NEMF: variants seen among roughly 807,000 people sequenced by gnomAD.
NEMF encodes nuclear export mediator factor.
A neutral mutation model predicts 162.2 loss-of-function variants in NEMF; 89 were observed. The ratio of observed to expected loss-of-function variants is 0.55; its 90% CI spans 0.46 to 0.65. NEMF has a LOEUF of 0.65. Ranked by LOEUF, NEMF falls within the 30% of genes least tolerant of loss-of-function variation. The probability of loss-of-function intolerance (pLI) is 0.00; values close to 1 mark genes in which losing one functional copy is unlikely to be tolerated. For synonymous variants in NEMF, 421 were observed against 404.5 expected, an observed-to-expected ratio of 1.04 and a Z score of -0.49; for missense variants, 1,133 against 1,261.9, an observed-to-expected ratio of 0.90 and a Z score of 1.55.
At chr14:49,793,254 A>G (rs926588436) in intron 26 of NEMF, among the ~76,000 whole-genome samples, 1 of 152,250 alleles carries the variant, frequency 6.6e-6, no homozygotes, top group Non-Finnish European at 1.5e-5. Flanking sequence ...GAAAAGCCAT[A>G]ATTTGCAGAC....
At position 49,786,703 on chromosome 14, in the gene NEMF, A is replaced by G; in HGVS notation, c.2928+15T>C. 6.2e-7 allele frequency: 1 copy of G among 1,610,320 alleles called. No homozygotes were observed. The highest frequency in any genetic ancestry group is 8.5e-7 in the Non-Finnish European group (1 of 1,176,714). On this transcript the variant is annotated intron_variant, in intron 29 of 32. Coordinates refer to ENST00000298310, the MANE Select transcript of NEMF (RefSeq NM_004713.6). ...ATCACAGTGTTGTAGTAGGAACCCC[A>G]ACATAAAATCATACCTCATTTCCCT... is the stretch of plus-strand genomic sequence containing the variant.
At chr14:49,841,132 G>C (rs1242885499) in intron 4 of NEMF, among the ~76,000 whole-genome samples, 1 of 135,340 alleles carries the variant, frequency 7.4e-6, no homozygotes. Flanking sequence ...GGGGGGTGGA[G>C]ACTGCAGTGA....
chr14:49,816,827 G>C (rs557215780), intron 16 of NEMF, among the ~76,000 whole-genome samples: 103 of 152,184 alleles, frequency 6.8e-4, no homozygotes, highest in Non-Finnish European at 1.1e-3. Context: ...AAGACATAGG[G>C]ACAAAAAGAA....
intron 10 of NEMF, 101 bp from the exon 11 acceptor site, chr14:49,831,462 G>C (rs1892635059): frequency 1.3e-6 from 1 of 749,068 alleles, no homozygotes; most frequent in Non-Finnish European, 2.3e-6. Flanking sequence ...TTTTGAGACA[G>C]AGTCTCACTC....
In NEMF at chr14:49,832,292, C is replaced by T. The variant is rs1385280097; in HGVS notation, c.736-15G>A. The T allele has an allele frequency of 2.1e-6, 3 of 1,459,680 alleles. No homozygotes were observed. The highest frequency in any genetic ancestry group is 1.2e-5 in the South Asian group (1 of 82,832). 90.4% of individuals were successfully genotyped at this position (1,459,680 alleles called of 1,614,324 possible). Reference sequence around the variant, plus strand: ...ATGATATATCCCTACAAAAATGCAACATTAAAATCATTCCTATTCATAATT... The same window carrying T: ...ATGATATATCCCTACAAAAATGCAATATTAAAATCATTCCTATTCATAATT... On this transcript the variant is annotated splice_polypyrimidine_tract_variant and intron_variant, in intron 8 of 32. Transcript: ENST00000298310.
chr14:49,852,594 G>A lies in NEMF; in HGVS notation c.59+101C>T, dbSNP rs78026431. ...CCTAGGCAGGTCCATAGACGCACTA[G>A]GAAATAAGGAAACATATCAAGCTGG... On this transcript the variant is annotated intron_variant, in intron 1 of 32. Coordinates refer to ENST00000298310, the MANE Select transcript of NEMF (RefSeq NM_004713.6). 4.5e-3 allele frequency: 5,864 copies of A among 1,315,492 alleles called. 192 individuals carry two copies. The African/African-American group carries it at 0.075, about 17-fold the overall frequency. 81.5% of individuals were successfully genotyped at this position (1,315,492 alleles called of 1,614,324 possible).
intron 22 of NEMF, 144 bp downstream of exon 22, chr14:49,802,309 T>G (rs1362372529): frequency 2.3e-5 from 18 of 768,998 alleles, no homozygotes; most frequent in Middle Eastern, 3.6e-4. Context: ...AAAAAAAAAT[T>G]CAGTAAAACA....
At chr14:49,842,258 AG>A (rs1893252003) in intron 4 of NEMF, among the ~76,000 whole-genome samples, 1 of 152,206 alleles carries the variant, frequency 6.6e-6, no homozygotes, top group Non-Finnish European at 1.5e-5. Context: ...TTAGAAAAAA[AG>A]GAAAACATAA....
In NEMF at chr14:49,800,855, G is replaced by C. The variant is rs998867082; in HGVS notation, c.2096-159C>G. The C allele has an allele frequency of 7.8e-6, 5 of 639,008 alleles. No homozygotes were observed. The African/African-American group carries it at 9.2e-5, about 12-fold the overall frequency. 39.6% of individuals were successfully genotyped at this position (639,008 alleles called of 1,614,324 possible). A position where few individuals can be genotyped will look rare whatever the true frequency, so the allele number is the denominator to read the frequency against. On this transcript the variant is annotated intron_variant, in intron 22 of 32. Coordinates refer to ENST00000298310, the MANE Select transcript of NEMF (RefSeq NM_004713.6). ...TCCCAAAGGGTACTCTTAGACAAAA[G>C]AATAACCTGTATCATGAATAGGTTG...
chr14:49,828,881 A>C (rs920501502), intron 13 of NEMF, 74 bp from the exon 14 acceptor site: 35 of 1,338,978 alleles, frequency 2.6e-5, no homozygotes, highest in Non-Finnish European at 3.4e-5. Context: ...TTCTTCAATA[A>C]AATTATAAAT....
Position 49,782,875 on chromosome 14 carries a change from C to T in NEMF, c.*1761G>A. 1.2e-6 allele frequency: 2 copies of T among 1,613,720 alleles called. No homozygotes were observed. The highest frequency in any genetic ancestry group is 1.7e-6 in the Non-Finnish European group (2 of 1,179,692). On this transcript the variant is annotated 3_prime_UTR_variant, in exon 33 of 33. Coordinates refer to ENST00000298310, the MANE Select transcript of NEMF (RefSeq NM_004713.6). ...TTTGCTTTAAAGAAATGTTAGCCAA[C>T]TCATGGAACTGCCTTCCAAAACACT...
chr14:49,811,002 A>C (rs1198718958), intron 18 of NEMF, among the ~76,000 whole-genome samples: 1 of 152,184 alleles, frequency 6.6e-6, no homozygotes, highest in Non-Finnish European at 1.5e-5. Flanking sequence ...AAACAAAAAA[A>C]GCAGCTGCAA....
intron 25 of NEMF, among the ~76,000 whole-genome samples, chr14:49,796,704 G>C (rs145607754): frequency 4.6e-5 from 7 of 152,206 alleles, no homozygotes; most frequent in East Asian, 1.9e-4. Flanking sequence ...CATTCTCTTC[G>C]TATCACTTTA....
chr14:49,797,449 G>A (rs910210154), intron 25 of NEMF: 3 of 152,082 alleles, frequency 2.0e-5, no homozygotes. Context: ...GCCTAACACG[G>A]TGAAACCCCA....
intron 18 of NEMF, 113 bp from the exon 19 acceptor site, chr14:49,806,246 ATATATATATATTTTTTTT>A (rs1891194393): frequency 1.4e-4 from 2 of 14,782 alleles, no homozygotes; most frequent in Non-Finnish European, 2.9e-4. Context: ...ATATATATAT[ATATATATATATTTTTTTT>A]TTTTTTTTTT....
intron 18 of NEMF, among the ~76,000 whole-genome samples, chr14:49,809,663 C>G (rs1281805444): frequency 1.3e-5 from 2 of 152,032 alleles, no homozygotes; most frequent in Admixed American, 6.6e-5. Context: ...AGTTCGAGAC[C>G]AGCCTGGCCA....
intron 16 of NEMF, chr14:49,820,154 A>T (rs1277485730): frequency 8.5e-6 from 2 of 235,468 alleles, no homozygotes; most frequent in Non-Finnish European, 1.7e-5. Context: ...GGTTCACCTT[A>T]TTGGCCAGGC....
Position 49,846,237 on chromosome 14 carries a change from A to C in NEMF, c.260T>G (p.Leu87Ter), listed in dbSNP as rs1478243057. Residue 87 changes from leucine (L) to a stop codon, truncating the protein, a stop_gained, in exon 4 of 33, where the codon TTA becomes TGA. Coordinates refer to ENST00000298310, the MANE Select transcript of NEMF (RefSeq NM_004713.6). LOFTEE classifies it high-confidence loss of function. ...KCRKHLKSRR[L>*]VSAKQLGVDR... Reference sequence around the variant, plus strand: ...CACACCAAGCTGTTTTGCACTGACTAATCTCCGACTCTTCAAATGTTTTCG... The same window carrying C: ...CACACCAAGCTGTTTTGCACTGACTCATCTCCGACTCTTCAAATGTTTTCG... 2 of 1,612,470 alleles carry C rather than the reference A, an allele frequency of 1.2e-6. No homozygotes were observed. The highest frequency in any genetic ancestry group is 1.1e-5 in the South Asian group (1 of 90,636).
At chr14:49,831,509 C>A (rs1262796683) in intron 10 of NEMF, 148 bp from the exon 11 acceptor site, 6 of 588,452 alleles carry the variant, frequency 1.0e-5, no homozygotes, top group Non-Finnish European at 1.8e-5. Context: ...GCGATCTAGG[C>A]TCACTGCAAC....
Sources: gnomAD v4.1 joint callset for allele counts (sites outside exome capture counted in the v4.1 genomes callset) on GRCh38, gnomAD v4.1.1 for gene constraint, MANE v1.5 for transcripts, NCBI Gene and HGNC (gene_info 2026-07-23, HGNC 2026-07-21) for gene names.